Variants in GRK5 observed in about 807,000 individuals in gnomAD.
The protein encoded by GRK5 is G protein-coupled receptor kinase 5, also known as g protein-coupled receptor kinase GRK5.
A neutral mutation model predicts 78.4 loss-of-function variants in GRK5; 40 were observed. The ratio of observed to expected loss-of-function variants is 0.51; its 90% CI spans 0.40 to 0.66. The LOEUF is 0.66. Among genes scored for constraint, GRK5 ranks in the 30% least tolerant of loss-of-function variants. The pLI, the probability that GRK5 is intolerant of heterozygous loss-of-function variation, is 0.00. For synonymous variants in GRK5, 289 were observed against 296.8 expected (o/e 0.97, Z 0.27); for missense variants, 598 against 759.9 (o/e 0.79, Z 2.50).
intron 1 of GRK5, among the ~76,000 whole-genome samples, chr10:119,257,825 C>T (rs79660583): frequency 0.021 from 3,235 of 152,300 alleles, 58 homozygotes; most frequent in Admixed American, 0.055. Context: ...TGTGCAGCTC[C>T]TCAGTTATGG....
rs1158585739 is a variant in GRK5 at position 119,455,654 on chromosome 10, A to G, written c.*587A>G. 3 of 260,792 alleles carry G rather than the reference A, an allele frequency of 1.2e-5. No homozygotes were observed. Among genetic ancestry groups the G allele is most frequent in the South Asian group, 3.9e-5 (1 of 25,646 alleles). 16.2% of individuals were successfully genotyped at this position (260,792 alleles called of 1,614,324 possible). A position where few individuals can be genotyped will look rare whatever the true frequency, so the allele number is the denominator to read the frequency against. ...TGAAGGATTGGTTGTATTTACCCAC[A>G]TCTATCTCTGGAGCCATTTCCTCAC... On this transcript the variant is annotated 3_prime_UTR_variant, in exon 16 of 16. Transcript: ENST00000392870.
At chr10:119,402,465 G>T (rs1001016973) in intron 4 of GRK5, among the ~76,000 whole-genome samples, 5 of 152,194 alleles carry the variant, frequency 3.3e-5, no homozygotes, top group Admixed American at 6.5e-5. Flanking sequence ...GTCACTCCGA[G>T]CTGAGGTGGC....
At chr10:119,209,262 G>A (rs1398326481) in intron 1 of GRK5, among the ~76,000 whole-genome samples, 2 of 152,082 alleles carry the variant, frequency 1.3e-5, no homozygotes, top group Non-Finnish European at 2.9e-5. Flanking sequence ...CCCGGCATTC[G>A]TGTCTTACTT....
Position 119,449,234 on chromosome 10 carries a change from T to C in GRK5, c.1404+974T>C, listed in dbSNP as rs191832452. ...AGCAGCAATTTGCAAATGCTACAAATCAGGGCCTCTGCGTCCCCCTCTCCC... is the reference window on the plus strand; with the variant it reads ...AGCAGCAATTTGCAAATGCTACAAACCAGGGCCTCTGCGTCCCCCTCTCCC... On this transcript the variant is annotated intron_variant, in intron 13 of 15. Transcript: ENST00000392870. Among the ~76,000 whole-genome samples, 618 of 152,302 alleles carry C rather than the reference T, an allele frequency of 4.1e-3. 3 individuals carry two copies. Among genetic ancestry groups the C allele is most frequent in the African/African-American group, 0.014 (590 of 41,568 alleles).
intron 2 of GRK5, among the ~76,000 whole-genome samples, chr10:119,347,437 G>A (rs1469460060): frequency 3.3e-5 from 5 of 152,214 alleles, no homozygotes; most frequent in South Asian, 2.1e-4. Flanking sequence ...GTATGTGTCC[G>A]TGCATGTTTG....
At chr10:119,289,166 A>T (rs541107758) in intron 1 of GRK5, among the ~76,000 whole-genome samples, 3 of 151,792 alleles carry the variant, frequency 2.0e-5, no homozygotes, top group Non-Finnish European at 4.4e-5. Context: ...GCTTTGGGGG[A>T]TGGGGAGAAT....
Position 119,431,290 on chromosome 10 carries a change from A to C in GRK5, c.598-97A>C. Reference sequence around the variant, plus strand: ...GGCAGGGCCGGCTCTGACCCCATCCATTCTCTACCTGGGAGGCCTGTGGTC... The same window carrying C: ...GGCAGGGCCGGCTCTGACCCCATCCCTTCTCTACCTGGGAGGCCTGTGGTC... On this transcript the variant is annotated intron_variant, in intron 7 of 15. Transcript: ENST00000392870. This position sits in a 1 kb window ranked among gnomAD's most constrained non-coding sequence, Gnocchi z 4.8. The C allele has an allele frequency of 2.7e-5, 39 of 1,422,540 alleles. No individual in the cohort carries two copies. The highest frequency in any genetic ancestry group is 3.7e-5 in the Non-Finnish European group (39 of 1,054,924). 88.1% of individuals were successfully genotyped at this position (1,422,540 alleles called of 1,614,324 possible).
At chr10:119,424,938 C>A (rs917444898) in intron 5 of GRK5, 55 bp from the exon 6 acceptor site, 2 of 1,266,772 alleles carry the variant, frequency 1.6e-6, no homozygotes, top group South Asian at 1.2e-5. Context: ...GCTTTGCCCC[C>A]CTGCTTGAAG....
At chr10:119,286,360 C>A (rs762646771) in intron 1 of GRK5, among the ~76,000 whole-genome samples, 4 of 152,246 alleles carry the variant, frequency 2.6e-5, no homozygotes, top group Non-Finnish European at 5.9e-5. Context: ...GGCTCAAAAT[C>A]TGCCCCCTTG....
chr10:119,415,099 A>G (rs187429622), intron 4 of GRK5, among the ~76,000 whole-genome samples: 19,497 of 149,232 alleles, frequency 0.13, 1,458 homozygotes, highest in East Asian at 0.23. Context: ...AAAAAAAAAA[A>G]AAAAGAAAAA....
rs767396420 is a variant in GRK5 at position 119,423,228 on chromosome 10, A to C, written c.402A>C (p.Leu134=). ...DLVSQTEEKL[L]QKPCKELFSA... is the part of the protein sequence containing the mutation. The stretch of plus-strand genomic sequence containing the variant: ...TCTCCCAGACGGAGGAGAAGCTCCT[A>C]CAGAAGCCGTGCAAAGAACTCTTTT... Residue 134 remains leucine (L), a synonymous_variant, in exon 5 of 16, where the codon CTA becomes CTC. Transcript: ENST00000392870. 1.2e-6 allele frequency: 2 copies of C among 1,614,114 alleles called. No homozygotes were observed. Among genetic ancestry groups the C allele is most frequent in the Non-Finnish European group, 1.7e-6 (2 of 1,179,968 alleles).
At chr10:119,423,025 T>C (rs1476961433) in intron 4 of GRK5, 141 bp from the exon 5 acceptor site, 1 of 686,570 alleles carries the variant, frequency 1.5e-6, no homozygotes, top group African/African-American at 1.8e-5. Context: ...GGGCAGCAGG[T>C]CACACACTGG....
At chr10:119,240,519 T>A (rs1849007895) in intron 1 of GRK5, among the ~76,000 whole-genome samples, 1 of 152,026 alleles carries the variant, frequency 6.6e-6, no homozygotes, top group African/African-American at 2.4e-5. Context: ...TTTTTAATGA[T>A]CACCATTCTA....
chr10:119,274,091 A>G (rs1849629504), intron 1 of GRK5, among the ~76,000 whole-genome samples: 1 of 152,150 alleles, frequency 6.6e-6, no homozygotes, highest in African/African-American at 2.4e-5. Flanking sequence ...GGTTTGTGTC[A>G]TAAGTGAGAG....
chr10:119,395,703 A>T (rs939842129), intron 3 of GRK5, among the ~76,000 whole-genome samples: 9 of 152,070 alleles, frequency 5.9e-5, no homozygotes, highest in Admixed American at 5.2e-4. Context: ...GGATTCAGGG[A>T]AATTAAAAAG....
intron 3 of GRK5, among the ~76,000 whole-genome samples, chr10:119,381,645 C>T (rs1183729339): frequency 6.6e-6 from 1 of 152,198 alleles, no homozygotes; most frequent in Non-Finnish European, 1.5e-5. Context: ...AGCCTGGGCA[C>T]CTCGGTTCAG....
At chr10:119,370,016 G>A (rs1851522339) in intron 2 of GRK5, among the ~76,000 whole-genome samples, 1 of 152,138 alleles carries the variant, frequency 6.6e-6, no homozygotes, top group Non-Finnish European at 1.5e-5. Context: ...GACTCTGGCA[G>A]CTCCATTACT....
intron 2 of GRK5, among the ~76,000 whole-genome samples, chr10:119,356,107 G>A (rs552795767): frequency 3.3e-5 from 5 of 152,292 alleles, no homozygotes; most frequent in Admixed American, 1.3e-4. Context: ...ATTAGACAGC[G>A]ACACCTAATG....
intron 4 of GRK5, among the ~76,000 whole-genome samples, chr10:119,421,636 C>T (rs1852570976): frequency 6.6e-6 from 1 of 152,210 alleles, no homozygotes; most frequent in East Asian, 1.9e-4. Flanking sequence ...CTGTTGGTAA[C>T]TGGGAAATGT....
Sources: gnomAD v4.1 joint callset for allele counts (sites outside exome capture counted in the v4.1 genomes callset) on GRCh38, gnomAD v4.1.1 for gene constraint, Gnocchi (gnomAD v3.1) non-coding constraint, MANE v1.5 for transcripts, NCBI Gene and HGNC (gene_info 2026-07-23, HGNC 2026-07-21) for gene names.